The following ATP2B2 variants were observed in gnomAD, a reference collection of about 807,000 sequenced individuals.
ATP2B2 encodes ATPase plasma membrane Ca2+ transporting 2.
ATP2B2 carries 15 observed loss-of-function variants against 120.0 expected under a neutral mutation model. That is an observed-to-expected ratio of 0.12 (90% CI 0.08 to 0.19). ATP2B2 has a LOEUF of 0.19. Ranked by LOEUF, ATP2B2 falls within the 10% of genes least tolerant of loss-of-function variation. The pLI, the probability that ATP2B2 is intolerant of heterozygous loss-of-function variation, is 1.00. For missense variants in ATP2B2, 1,045 were observed against 1,719.8 expected (o/e 0.61, Z 6.94); for synonymous variants, 694 against 700.3 (o/e 0.99, Z 0.14).
intron 2 of ATP2B2, among the ~76,000 whole-genome samples, chr3:10,535,826 GT>G (rs1265746360): frequency 6.6e-6 from 1 of 152,114 alleles, no homozygotes; most frequent in African/African-American, 2.4e-5. Flanking sequence ...TTTATGTAAG[GT>G]TTTTTGTGTG....
At position 10,597,571 on chromosome 3, in the gene ATP2B2, C is replaced by T. The variant is rs1309125521; in HGVS notation, c.-415+22346G>A. Among the ~76,000 whole-genome samples the T allele has an allele frequency of 2.6e-5, 4 of 152,160 alleles. No homozygotes were observed. The East Asian group carries it at 7.7e-4, about 29-fold the overall frequency. On this transcript the variant is annotated intron_variant, in intron 2 of 21. Transcript: ENST00000646379. ...CATCAAGCCATCCCCAAATATTTGCCAAGTGCCCCCTCACCCCTATAGCCA... is the reference window on the plus strand; with the variant it reads ...CATCAAGCCATCCCCAAATATTTGCTAAGTGCCCCCTCACCCCTATAGCCA...
intron 2 of ATP2B2, among the ~76,000 whole-genome samples, chr3:10,439,771 T>C (rs2063596187): frequency 6.6e-6 from 1 of 151,832 alleles, no homozygotes; most frequent in Non-Finnish European, 1.5e-5. Flanking sequence ...ATCCCAGCAC[T>C]TTGGAAGGCT....
chr3:10,363,841 T>C (rs1430341148), intron 12 of ATP2B2, among the ~76,000 whole-genome samples: 1 of 152,138 alleles, frequency 6.6e-6, no homozygotes, highest in East Asian at 1.9e-4. Context: ...AAATTAAACA[T>C]GAAATTACTA....
intron 2 of ATP2B2, among the ~76,000 whole-genome samples, chr3:10,587,381 AATTT>A (rs996783315): frequency 2.7e-5 from 4 of 148,698 alleles, no homozygotes; most frequent in East Asian, 2.0e-4. Context: ...TTATTTAATT[AATTT>A]ATTTTTATTT....
intron 1 of ATP2B2, among the ~76,000 whole-genome samples, chr3:10,639,973 C>T (rs565029621): frequency 1.1e-4 from 17 of 152,114 alleles, no homozygotes; most frequent in Middle Eastern, 3.4e-3. Flanking sequence ...CAGAGGGGGC[C>T]GTACATCCAG....
intron 14 of ATP2B2, among the ~76,000 whole-genome samples, chr3:10,352,011 C>T (rs1371249624): frequency 6.6e-6 from 1 of 152,246 alleles, no homozygotes; most frequent in Non-Finnish European, 1.5e-5. Flanking sequence ...ATACGGCAGC[C>T]CTAGAAAACT....
chr3:10,529,566 A>G (rs1160602718), intron 3 of ATP2B2, among the ~76,000 whole-genome samples: 1 of 152,244 alleles, frequency 6.6e-6, no homozygotes, highest in African/African-American at 2.4e-5. Flanking sequence ...AGAATGATGT[A>G]AAATATTCTT....
intron 1 of ATP2B2, among the ~76,000 whole-genome samples, chr3:10,674,678 G>C (rs970061199): frequency 1.3e-5 from 2 of 152,188 alleles, no homozygotes; most frequent in African/African-American, 4.8e-5. Flanking sequence ...ACATTCACCA[G>C]TTGTTAATGT....
chr3:10,441,916 G>C (rs949763105), intron 2 of ATP2B2, among the ~76,000 whole-genome samples: 1 of 152,198 alleles, frequency 6.6e-6, no homozygotes, highest in Non-Finnish European at 1.5e-5. Flanking sequence ...AGAAGGTGAA[G>C]CTGGGACTCA....
intron 1 of ATP2B2, among the ~76,000 whole-genome samples, chr3:10,487,660 G>A (rs551763722): frequency 1.8e-4 from 28 of 152,286 alleles, no homozygotes; most frequent in Middle Eastern, 3.4e-3. Flanking sequence ...GAAAACTTGC[G>A]AATGAATAAA....
At chr3:10,395,752 T>C (rs956434368) in intron 5 of ATP2B2, among the ~76,000 whole-genome samples, 2 of 152,144 alleles carry the variant, frequency 1.3e-5, no homozygotes, top group Non-Finnish European at 2.9e-5. Flanking sequence ...TACTTAAACA[T>C]TGAGAGCTGG....
At chr3:10,584,470 A>C (rs948984160) in intron 2 of ATP2B2, among the ~76,000 whole-genome samples, 2 of 152,134 alleles carry the variant, frequency 1.3e-5, no homozygotes, top group African/African-American at 4.8e-5. Context: ...GGATCTCTGT[A>C]GGTGCATCCT....
Position 10,402,477 on chromosome 3 carries a change from CAG to C in ATP2B2, c.398-131_398-130del. ...ATCAGATGATAATTATCCACTTACT[CAG>C]TGTGTCTGGGTACCAAGCCCTGTGG... is the stretch of plus-strand genomic sequence containing the variant. On this transcript the variant is annotated intron_variant, in intron 3 of 22. Transcript: ENST00000360273. This position sits in a 1 kb window ranked among gnomAD's most constrained non-coding sequence, Gnocchi z 4.9. 2 of 1,386,962 alleles carry C rather than the reference CAG, an allele frequency of 1.4e-6. No individual in the cohort carries two copies. The highest frequency in any genetic ancestry group is 2.0e-6 in the Non-Finnish European group (2 of 994,834). 85.9% of individuals were successfully genotyped at this position (1,386,962 alleles called of 1,614,324 possible).
Position 10,402,848 on chromosome 3 carries a change from G to A in ATP2B2, c.398-500C>T, listed in dbSNP as rs2062269560. Reference sequence around the variant, plus strand: ...TCTACAGCACAGACAAGGCACAGAGGAGAGAAAAGAGAATTTTCTCTAATT... The same window carrying A: ...TCTACAGCACAGACAAGGCACAGAGAAGAGAAAAGAGAATTTTCTCTAATT... On this transcript the variant is annotated intron_variant, in intron 3 of 22. Transcript: ENST00000360273. The surrounding 1 kb of genome is among the most constrained non-coding windows in gnomAD (Gnocchi z 4.9). Among the ~76,000 whole-genome samples, 1 of 152,182 alleles carries A rather than the reference G, an allele frequency of 6.6e-6. No individual in the cohort carries two copies. Among genetic ancestry groups the A allele is most frequent in the African/African-American group, 2.4e-5 (1 of 41,434 alleles).
chr3:10,484,738 C>A (rs2065568151), intron 1 of ATP2B2, among the ~76,000 whole-genome samples: 1 of 152,196 alleles, frequency 6.6e-6, no homozygotes, highest in Non-Finnish European at 1.5e-5. Context: ...CCTCCAGATG[C>A]AGAAAGAAAT....
At chr3:10,665,749 C>T (rs1253042527) in intron 1 of ATP2B2, among the ~76,000 whole-genome samples, 1 of 152,158 alleles carries the variant, frequency 6.6e-6, no homozygotes, top group Non-Finnish European at 1.5e-5. Context: ...CTGAAGGAGT[C>T]ACAGGCATGG....
chr3:10,567,108 C>A (rs1309659119), intron 2 of ATP2B2, among the ~76,000 whole-genome samples: 1 of 152,170 alleles, frequency 6.6e-6, no homozygotes, highest in African/African-American at 2.4e-5. Context: ...CTAGACCAGC[C>A]CCTCCTTCTA....
In ATP2B2 at chr3:10,340,181, A is replaced by G; in HGVS notation, c.3237+61T>C. The G allele has an allele frequency of 1.3e-6, 2 of 1,521,262 alleles. No individual in the cohort carries two copies. Among genetic ancestry groups the G allele is most frequent in the Non-Finnish European group, 1.8e-6 (2 of 1,101,106 alleles). 94.2% of individuals were successfully genotyped at this position (1,521,262 alleles called of 1,614,324 possible). A position where few individuals can be genotyped will look rare whatever the true frequency, so the allele number is the denominator to read the frequency against. Reference sequence around the variant, plus strand: ...CATTCCTGGGGGTCCTGGATTCTCCATCCAGTGCTGTCTCCCTTGCCCTGC... The same window carrying G: ...CATTCCTGGGGGTCCTGGATTCTCCGTCCAGTGCTGTCTCCCTTGCCCTGC... On this transcript the variant is annotated intron_variant, in intron 21 of 22. Transcript: ENST00000360273. This position sits in a 1 kb window ranked among gnomAD's most constrained non-coding sequence, Gnocchi z 5.0.
At chr3:10,390,472 GCC>G in intron 5 of ATP2B2, among the ~76,000 whole-genome samples, 2 of 128,574 alleles carry the variant, frequency 1.6e-5, no homozygotes, top group African/African-American at 5.5e-5. Context: ...GTGTGTGTGT[GCC>G]TGTGTGTGTG....
Sources: allele counts gnomAD v4.1 joint callset (sites outside exome capture counted in the v4.1 genomes callset), GRCh38; gene constraint gnomAD v4.1.1; non-coding constraint Gnocchi (gnomAD v3.1); transcripts MANE v1.5; gene names NCBI Gene and HGNC (gene_info 2026-07-23, HGNC 2026-07-21).